Variants in CAMK1D observed in about 807,000 individuals in gnomAD.
The protein encoded by CAMK1D is calcium/calmodulin dependent protein kinase ID.
In CAMK1D, 9 loss-of-function variants were observed where a neutral mutation model predicts 47.7. The observed-to-expected ratio is 0.19, with a 90% CI of 0.11 to 0.33. The LOEUF is 0.33. Ranked by LOEUF, CAMK1D falls within the 10% of genes least tolerant of loss-of-function variation. CAMK1D has a pLI of 1.00. For missense variants in CAMK1D, 291 were observed against 488.7 expected, an observed-to-expected ratio of 0.60 and a Z score of 3.81; for synonymous variants, 184 against 184.9, an observed-to-expected ratio of 0.99 and a Z score of 0.04.
At chr10:12,389,412 C>T (rs889587100) in intron 1 of CAMK1D, among the ~76,000 whole-genome samples, 16 of 152,200 alleles carry the variant, frequency 1.1e-4, no homozygotes, top group Non-Finnish European at 2.1e-4. Context: ...TGTCTTCAGG[C>T]TTCAAGGAGA....
Position 12,694,098 on chromosome 10 carries a change from T to TGC in CAMK1D, c.299+27288_299+27289insGC, listed in dbSNP as rs1833082211. ...AAAATATTATGTATAATATATATTA[T>TGC]ATAATATATAATATATATTATGCAT... On this transcript the variant is annotated intron_variant, in intron 3 of 10. Transcript: ENST00000619168. Among the ~76,000 whole-genome samples, 3 of 54,836 alleles carry TGC rather than the reference T, an allele frequency of 5.5e-5. No individual in the cohort carries two copies. The South Asian group carries it at 2.1e-3, about 39-fold the overall frequency. The allele number at this position is 54,836 out of a possible 152,430, so 36.0% of individuals were successfully genotyped here.
chr10:12,627,317 C>T (rs914698871), intron 2 of CAMK1D, among the ~76,000 whole-genome samples: 2 of 152,026 alleles, frequency 1.3e-5, no homozygotes, highest in African/African-American at 4.8e-5. Context: ...ATCTCCCTGA[C>T]CTCGTGATCT....
At chr10:12,440,347 T>TG (rs1229822557) in intron 1 of CAMK1D, among the ~76,000 whole-genome samples, 1 of 151,506 alleles carries the variant, frequency 6.6e-6, no homozygotes, top group Non-Finnish European at 1.5e-5. Flanking sequence ...TGCAGTGGCA[T>TG]GATCTTGGCT....
intron 1 of CAMK1D, among the ~76,000 whole-genome samples, chr10:12,522,462 C>T (rs1835453318): frequency 6.7e-6 from 1 of 149,022 alleles, no homozygotes; most frequent in African/African-American, 2.5e-5. Flanking sequence ...GCCCTTAATC[C>T]ATTTAACCCT....
At chr10:12,701,524 G>A (rs957649729) in intron 3 of CAMK1D, among the ~76,000 whole-genome samples, 2 of 152,202 alleles carry the variant, frequency 1.3e-5, no homozygotes, top group Non-Finnish European at 2.9e-5. Context: ...TGGCCACAGA[G>A]GCTGCATTGC....
intron 2 of CAMK1D, among the ~76,000 whole-genome samples, chr10:12,599,524 G>A (rs939034592): frequency 5.0e-4 from 76 of 152,288 alleles, no homozygotes; most frequent in Admixed American, 4.8e-3. Context: ...AAAGTAAGAA[G>A]AAAAGAGCCA....
At chr10:12,721,533 C>CATCCATCT (rs1223515908) in intron 3 of CAMK1D, among the ~76,000 whole-genome samples, 10 of 152,010 alleles carry the variant, frequency 6.6e-5, no homozygotes, top group Non-Finnish European at 1.3e-4. Context: ...TCCATCCATC[C>CATCCATCT]ATCCATCCAT....
intron 3 of CAMK1D, among the ~76,000 whole-genome samples, chr10:12,718,643 G>T (rs951643529): frequency 6.6e-6 from 1 of 152,316 alleles, no homozygotes; most frequent in African/African-American, 2.4e-5. Flanking sequence ...AGAGTTGTCC[G>T]TTGGAGGTTT....
At chr10:12,795,499 G>A (rs74118616) in intron 6 of CAMK1D, among the ~76,000 whole-genome samples, 7,502 of 152,268 alleles carry the variant, frequency 0.049, 617 homozygotes, top group African/African-American at 0.17. Flanking sequence ...CGGAAGTCAC[G>A]GAGCGCCTCA....
rs545092285 is a variant in CAMK1D at position 12,821,697 on chromosome 10, G to A, written c.834-2768G>A. Among the ~76,000 whole-genome samples, 67 of 152,360 alleles carry A rather than the reference G, an allele frequency of 4.4e-4. 1 individual carries two copies. In the South Asian group the frequency reaches 0.012, roughly 28 times the overall value. On this transcript the variant is annotated intron_variant, in intron 8 of 10. Coordinates refer to ENST00000619168, the MANE Select transcript of CAMK1D (RefSeq NM_153498.4). Reference sequence around the variant, plus strand: ...AGGTATTAAAACCAGAAAGCTGGCCGGGTGTGGTGGCTCATGCCTGTAATC... The same window carrying A: ...AGGTATTAAAACCAGAAAGCTGGCCAGGTGTGGTGGCTCATGCCTGTAATC...
At chr10:12,542,731 T>G (rs1218070062) in intron 1 of CAMK1D, among the ~76,000 whole-genome samples, 2 of 152,202 alleles carry the variant, frequency 1.3e-5, no homozygotes, top group Non-Finnish European at 2.9e-5. Flanking sequence ...TATTTTAAAT[T>G]GATGTGCACT....
At chr10:12,393,353 A>G (rs1452997900) in intron 1 of CAMK1D, among the ~76,000 whole-genome samples, 1 of 152,120 alleles carries the variant, frequency 6.6e-6, no homozygotes, top group African/African-American at 2.4e-5. Context: ...TTTAAGGAAT[A>G]CATTTTCTTT....
intron 2 of CAMK1D, among the ~76,000 whole-genome samples, chr10:12,574,043 C>T (rs1837414139): frequency 6.6e-6 from 1 of 151,958 alleles, no homozygotes; most frequent in Admixed American, 6.6e-5. Context: ...CTTATCCACT[C>T]ATTCACCAAC....
chr10:12,532,172 T>G (rs564185514), intron 1 of CAMK1D, among the ~76,000 whole-genome samples: 1 of 152,342 alleles, frequency 6.6e-6, no homozygotes, highest in Admixed American at 6.5e-5. Flanking sequence ...AATTGGAAAC[T>G]ATAATTTACA....
intron 4 of CAMK1D, among the ~76,000 whole-genome samples, chr10:12,768,232 G>A (rs1291560143): frequency 6.6e-6 from 1 of 152,178 alleles, no homozygotes; most frequent in Admixed American, 6.5e-5. Context: ...GAATCATGAG[G>A]GAGGAATGTG....
At chr10:12,682,205 GTGAGACTCCA>G (rs1832472346) in intron 3 of CAMK1D, among the ~76,000 whole-genome samples, 1 of 150,432 alleles carries the variant, frequency 6.6e-6, no homozygotes, top group Non-Finnish European at 1.5e-5. Flanking sequence ...GGGCGACAGA[GTGAGACTCCA>G]TCTCAAAAAC....
At chr10:12,565,134 C>T (rs1837080992) in intron 2 of CAMK1D, among the ~76,000 whole-genome samples, 1 of 152,064 alleles carries the variant, frequency 6.6e-6, no homozygotes, top group African/African-American at 2.4e-5. Flanking sequence ...TCCTTTGGGT[C>T]CAGGAGTTTG....
chr10:12,567,754 A>G (rs955490862), intron 2 of CAMK1D, among the ~76,000 whole-genome samples: 2 of 152,134 alleles, frequency 1.3e-5, no homozygotes, highest in African/African-American at 4.8e-5. Context: ...CGTTTGTTTA[A>G]TCCTGGTAGG....
intron 1 of CAMK1D, among the ~76,000 whole-genome samples, chr10:12,427,232 G>T (rs1412695791): frequency 6.6e-6 from 1 of 152,142 alleles, no homozygotes; most frequent in East Asian, 1.9e-4. Flanking sequence ...TTGATGGAGG[G>T]ACTGATTCCA....
Sources: gnomAD v4.1 joint callset for allele counts (sites outside exome capture counted in the v4.1 genomes callset) on GRCh38, gnomAD v4.1.1 for gene constraint, MANE v1.5 for transcripts, NCBI Gene and HGNC (gene_info 2026-07-23, HGNC 2026-07-21) for gene names.